The following LHX8 variants were observed in gnomAD, a reference collection of about 807,000 sequenced individuals.
LHX8 encodes the protein LIM homeobox 8.
Under a neutral mutation model 40.3 loss-of-function variants are expected in LHX8, and 12 were observed. The observed-to-expected ratio is 0.30, with a 90% confidence interval of 0.19 to 0.48. LHX8 has a LOEUF of 0.48. Among genes scored for constraint, LHX8 ranks in the 20% least tolerant of loss-of-function variants. LHX8 has a pLI of 0.99. For synonymous variants in LHX8, 179 were observed against 162.0 expected (o/e 1.10, Z -0.80); for missense variants, 344 against 433.7 (o/e 0.79, Z 1.84).
chr1:75,140,499 C>A (rs943908045), intron 3 of LHX8, among the ~76,000 whole-genome samples: 4 of 152,124 alleles, frequency 2.6e-5, no homozygotes, highest in Non-Finnish European at 4.4e-5. Context: ...TGCATTTTCA[C>A]TTTCTTTATT....
At chr1:75,186,166 T>C in the LHX8 span, among the ~76,000 whole-genome samples, 1 of 152,152 alleles carries the variant, frequency 6.6e-6, no homozygotes, top group Non-Finnish European at 1.5e-5. Flanking sequence ...ACCAATGACA[T>C]TCTTCATAGA....
At chr1:75,172,517 TTA>T in the LHX8 span, among the ~76,000 whole-genome samples, 1 of 152,244 alleles carries the variant, frequency 6.6e-6, no homozygotes, top group Non-Finnish European at 1.5e-5. Flanking sequence ...TTCCCAAACC[TTA>T]TGTGTTTCAT....
chr1:75,152,092 G>C (rs1229098385), intron 7 of LHX8, among the ~76,000 whole-genome samples: 1 of 152,180 alleles, frequency 6.6e-6, no homozygotes, highest in Non-Finnish European at 1.5e-5. Flanking sequence ...TATTTTATAA[G>C]AATTACTGTG....
At chr1:75,165,008 C>A (rs2100372375), downstream of LHX8, among the ~76,000 whole-genome samples, 1 of 152,278 alleles carries the variant, frequency 6.6e-6, no homozygotes, top group African/African-American at 2.4e-5. Flanking sequence ...TAAATTTAAG[C>A]ACAAGCTGCC....
the LHX8 span, among the ~76,000 whole-genome samples, chr1:75,181,539 C>T: frequency 6.6e-6 from 1 of 152,210 alleles, no homozygotes; most frequent in East Asian, 1.9e-4. Flanking sequence ...GTGCCATTTG[C>T]TAAGACCATT....
rs1164496745 is a variant in LHX8 at position 75,136,640 on chromosome 1, C to T, written c.26C>T (p.Thr9Ile). 1.3e-6 allele frequency: 2 copies of T among 1,549,596 alleles called. No homozygotes were observed. Among genetic ancestry groups the T allele is most frequent in the Admixed American group, 3.9e-5 (2 of 50,978 alleles). The change falls in exon 2 of 9, where the codon ACA becomes ATA. Residue 9 changes from threonine to isoleucine, a missense_variant. By Grantham distance (89) the Thr-to-Ile change is moderately conservative. Transcript: ENST00000356261. MSEECGRTTALAAGRTRKG... is the reference protein window; with the variant it reads MSEECGRTIALAAGRTRKG... ...ATGTCAGAGGAGTGCGGGCGGACTA[C>T]AGCCCTGGCGGCCGGGAGGACTCGC...
Position 75,157,057 on chromosome 1 carries a change from G to C in LHX8, c.945G>C (p.Ala315=). 1 of 1,614,122 alleles carries C rather than the reference G, an allele frequency of 6.2e-7. No individual in the cohort carries two copies. The highest frequency in any genetic ancestry group is 1.1e-5 in the South Asian group (1 of 91,078). ...CCCAAGATGGAACGATGTTAACTGC[G>C]CTGCATAGTTATATGGATGGTAGGT... ...YVPQDGTMLT[A]LHSYMDAHSP... Residue 315 remains alanine, a synonymous_variant, in exon 8 of 9, where the codon GCG becomes GCC. Coordinates refer to ENST00000356261, the MANE Select transcript of LHX8 (RefSeq NM_001256114.2).
the LHX8 span, among the ~76,000 whole-genome samples, chr1:75,197,311 A>G: frequency 6.6e-6 from 1 of 152,188 alleles, no homozygotes; most frequent in East Asian, 1.9e-4. Context: ...AAAGTGCTAA[A>G]ATTAGCATTC....
At chr1:75,136,319 G>A (rs1023863547) in intron 1 of LHX8, among the ~76,000 whole-genome samples, 4 of 152,082 alleles carry the variant, frequency 2.6e-5, no homozygotes, top group Non-Finnish European at 4.4e-5. Flanking sequence ...ATCCCCGGCG[G>A]GGGGGCGGGG....
chr1:75,154,593 C>G (rs1648705189), intron 7 of LHX8, among the ~76,000 whole-genome samples: 2 of 152,054 alleles, frequency 1.3e-5, no homozygotes, highest in Admixed American at 1.3e-4. Context: ...GGCAGTGGTT[C>G]CCCCTTACAC....
intron 7 of LHX8, among the ~76,000 whole-genome samples, chr1:75,155,049 C>T (rs201291715): frequency 4.6e-5 from 7 of 152,108 alleles, no homozygotes; most frequent in East Asian, 3.9e-4. Context: ...CTTGTGCCAT[C>T]AAGGCCCTAC....
the LHX8 span, among the ~76,000 whole-genome samples, chr1:75,196,318 C>T: frequency 6.6e-6 from 1 of 152,076 alleles, no homozygotes; most frequent in Non-Finnish European, 1.5e-5. Context: ...TGGAGCTGTG[C>T]TGCATGGATA....
chr1:75,178,658 G>A, the LHX8 span, among the ~76,000 whole-genome samples: 2 of 152,100 alleles, frequency 1.3e-5, no homozygotes, highest in East Asian at 1.9e-4. Context: ...AGGGTTTTCT[G>A]TGTCTCTATC....
At chr1:75,185,591 CT>C in the LHX8 span, among the ~76,000 whole-genome samples, 557 of 152,286 alleles carry the variant, frequency 3.7e-3, 4 homozygotes, top group African/African-American at 0.013. Context: ...CAACATCATA[CT>C]GAATGGGTAA....
chr1:75,140,649 G>A (rs1648286661), intron 3 of LHX8, among the ~76,000 whole-genome samples: 2 of 152,132 alleles, frequency 1.3e-5, no homozygotes, highest in South Asian at 4.1e-4. Context: ...CTGTATGTAG[G>A]ACTTTAAAGT....
chr1:75,148,589 T>A lies in LHX8; in HGVS notation c.687T>A (p.Val229=). 2 of 1,612,386 alleles carry A rather than the reference T, an allele frequency of 1.2e-6. No homozygotes were observed. Among genetic ancestry groups the A allele is most frequent in the South Asian group, 2.2e-5 (2 of 91,020 alleles). The change falls in exon 7 of 9, where the codon GTT becomes GTA. Residue 229 remains valine, a splice_region_variant and synonymous_variant. Transcript: ENST00000356261. ...RTSFTADQLQ[V]MQAQFAQDNN... Reference sequence around the variant, plus strand: ...TACATACATGTTTTAAACAACAGGTTATGCAAGCACAATTTGCTCAGGACA... The same window carrying A: ...TACATACATGTTTTAAACAACAGGTAATGCAAGCACAATTTGCTCAGGACA...
chr1:75,156,266 G>C (rs891140584), intron 7 of LHX8, among the ~76,000 whole-genome samples: 1 of 151,904 alleles, frequency 6.6e-6, no homozygotes, highest in Admixed American at 6.6e-5. Flanking sequence ...TTTTGAGACA[G>C]AGTCTTGCTA....
the LHX8 span, among the ~76,000 whole-genome samples, chr1:75,166,890 G>A: frequency 2.6e-5 from 4 of 152,168 alleles, no homozygotes; most frequent in East Asian, 5.8e-4. Flanking sequence ...GAATGAGGGC[G>A]ATGAGACAGT....
At chr1:75,133,991 G>T (rs1040864807), upstream of LHX8, among the ~76,000 whole-genome samples, 14 of 152,106 alleles carry the variant, frequency 9.2e-5, no homozygotes, top group Admixed American at 9.2e-4. Flanking sequence ...CCGGACAGCT[G>T]CGAGTTTCAA....
Sources: gnomAD v4.1 joint callset for allele counts (sites outside exome capture counted in the v4.1 genomes callset) on GRCh38, gnomAD v4.1.1 for gene constraint, MANE v1.5 for transcripts, NCBI Gene and HGNC (gene_info 2026-07-23, HGNC 2026-07-21) for gene names.